SGCZ: variants seen among roughly 807,000 people sequenced by gnomAD.
SGCZ encodes the protein sarcoglycan zeta.
Under a neutral mutation model 41.3 loss-of-function variants are expected in SGCZ, and 40 were observed. The ratio of observed to expected loss-of-function variants is 0.97; its 90% CI spans 0.75 to 1.26. The LOEUF (loss-of-function observed/expected upper bound fraction) is 1.26, where lower values mean the gene tolerates loss of function less well. Among genes scored for constraint, SGCZ ranks in the 50% most tolerant of loss-of-function variants. The pLI is 0.00. For missense variants in SGCZ, 552 were observed against 369.8 expected, an observed-to-expected ratio of 1.49 and a Z score of -4.04; for synonymous variants, 206 against 137.5, an observed-to-expected ratio of 1.50 and a Z score of -3.49.
intron 2 of SGCZ, among the ~76,000 whole-genome samples, chr8:14,327,283 G>A (rs537408025): frequency 6.6e-6 from 1 of 152,288 alleles, no homozygotes; most frequent in East Asian, 1.9e-4. Flanking sequence ...GATTTAAGAA[G>A]ACAGAGAATT....
chr8:14,971,758 T>C (rs1270166324), intron 1 of SGCZ, among the ~76,000 whole-genome samples: 1 of 150,800 alleles, frequency 6.6e-6, no homozygotes, highest in East Asian at 2.0e-4. Context: ...CAAGTGATTC[T>C]CCTGCCTCAG....
At chr8:14,927,541 G>A (rs1376979266) in intron 1 of SGCZ, among the ~76,000 whole-genome samples, 2 of 131,814 alleles carry the variant, frequency 1.5e-5, no homozygotes, top group Non-Finnish European at 3.5e-5. Context: ...GAAGGAAGAG[G>A]AAGAAAGAAG....
chr8:14,546,526 C>A (rs1011169954), intron 2 of SGCZ, among the ~76,000 whole-genome samples: 6 of 152,118 alleles, frequency 3.9e-5, no homozygotes, highest in Non-Finnish European at 7.4e-5. Flanking sequence ...AGAAATTAAA[C>A]CTATGCCCGC....
chr8:14,166,011 T>G (rs1232776789), intron 4 of SGCZ, among the ~76,000 whole-genome samples: 1 of 152,042 alleles, frequency 6.6e-6, no homozygotes, highest in East Asian at 1.9e-4. Context: ...AAAAAATAAT[T>G]TAAAACCCTA....
At chr8:14,746,101 A>T (rs1799332836) in intron 1 of SGCZ, among the ~76,000 whole-genome samples, 1 of 152,010 alleles carries the variant, frequency 6.6e-6, no homozygotes, top group African/African-American at 2.4e-5. Flanking sequence ...TTTTCCATAA[A>T]TATCGATCTA....
chr8:14,944,391 TG>T (rs528608075), intron 1 of SGCZ, among the ~76,000 whole-genome samples: 144 of 152,316 alleles, frequency 9.5e-4, no homozygotes, highest in African/African-American at 2.7e-3. Flanking sequence ...TAACACAACA[TG>T]ATCTTCCCTG....
At chr8:14,499,806 C>A (rs995697388) in intron 2 of SGCZ, among the ~76,000 whole-genome samples, 5 of 152,016 alleles carry the variant, frequency 3.3e-5, no homozygotes, top group Admixed American at 2.6e-4. Flanking sequence ...CATCCCCTAG[C>A]TTCCAATTAC....
At chr8:15,140,508 T>A (rs1808279769) in intron 1 of SGCZ, among the ~76,000 whole-genome samples, 1 of 152,162 alleles carries the variant, frequency 6.6e-6, no homozygotes. Flanking sequence ...TAATACAGAT[T>A]AAGTACTTGG....
chr8:15,003,105 T>G (rs924422612), intron 1 of SGCZ, among the ~76,000 whole-genome samples: 10 of 152,060 alleles, frequency 6.6e-5, no homozygotes, highest in Admixed American at 4.6e-4. Flanking sequence ...TTAAAAGAGG[T>G]ATATTGTCAT....
chr8:14,777,980 G>A lies in SGCZ; in HGVS notation c.40-223054C>T, dbSNP rs547886923. ...TCTTTGTTACTCAGGCTGGAGTGCA[G>A]AGGCATGATCTCAGCTCACTGTAAC... On this transcript the variant is annotated intron_variant, in intron 1 of 7. Transcript: ENST00000382080. Among the ~76,000 whole-genome samples, 4 of 151,504 alleles carry A rather than the reference G, an allele frequency of 2.6e-5. No homozygotes were observed. In the South Asian group the frequency reaches 8.4e-4, roughly 32 times the overall value.
intron 7 of SGCZ, among the ~76,000 whole-genome samples, chr8:14,091,171 C>T (rs978096188): frequency 6.6e-6 from 1 of 151,196 alleles, no homozygotes; most frequent in Admixed American, 6.6e-5. Flanking sequence ...TGAACTCATC[C>T]TTTTTTATGG....
chr8:15,022,631 C>T (rs28514431), intron 1 of SGCZ, among the ~76,000 whole-genome samples: 8,401 of 152,174 alleles, frequency 0.055, 739 homozygotes, highest in African/African-American at 0.19. Context: ...CGTGAACCAT[C>T]GTGCCTGGCC....
At chr8:14,299,026 A>G (rs182926260) in intron 3 of SGCZ, among the ~76,000 whole-genome samples, 1 of 152,186 alleles carries the variant, frequency 6.6e-6, no homozygotes, top group Admixed American at 6.5e-5. Context: ...CCGAATCCAG[A>G]AAAAGACCCC....
chr8:14,276,098 C>A (rs7833414), intron 3 of SGCZ, among the ~76,000 whole-genome samples: 2 of 152,076 alleles, frequency 1.3e-5, no homozygotes, highest in African/African-American at 4.8e-5. Flanking sequence ...GCAGGGGACA[C>A]ATATGTGAAA....
chr8:14,948,478 G>C (rs913159940), intron 1 of SGCZ, among the ~76,000 whole-genome samples: 3 of 152,062 alleles, frequency 2.0e-5, no homozygotes, highest in South Asian at 2.1e-4. Flanking sequence ...TTATGAGAGA[G>C]AGAGAGAGAG....
At chr8:14,574,240 C>G (rs1187667645) in intron 1 of SGCZ, among the ~76,000 whole-genome samples, 1 of 152,182 alleles carries the variant, frequency 6.6e-6, no homozygotes, top group Non-Finnish European at 1.5e-5. Flanking sequence ...GCCTCTGCAG[C>G]AGCCTCAGAA....
chr8:14,852,524 A>T lies in SGCZ; in HGVS notation c.40-297598T>A, dbSNP rs186772840. Among the ~76,000 whole-genome samples the T allele has an allele frequency of 2.3e-3, 350 of 152,326 alleles. 3 individuals carry two copies. The highest frequency in any genetic ancestry group is 4.0e-3 in the Non-Finnish European group (273 of 68,032). On this transcript the variant is annotated intron_variant, in intron 1 of 7. Coordinates refer to ENST00000382080, the MANE Select transcript of SGCZ (RefSeq NM_139167.4). Reference sequence around the variant, plus strand: ...AATTCAACAAAAGTTGCCATCGAGTACACACCAGCCCAAAGTAACAAACAC... The same window carrying T: ...AATTCAACAAAAGTTGCCATCGAGTTCACACCAGCCCAAAGTAACAAACAC...
chr8:14,464,486 A>ATTTT (rs35544350), intron 2 of SGCZ, among the ~76,000 whole-genome samples: 10 of 135,924 alleles, frequency 7.4e-5, no homozygotes, highest in African/African-American at 2.4e-4. Context: ...TTTGAGTGGT[A>ATTTT]TTTTTTTTTT....
intron 1 of SGCZ, among the ~76,000 whole-genome samples, chr8:15,031,679 G>A (rs1207978336): frequency 1.3e-5 from 2 of 152,128 alleles, no homozygotes; most frequent in Admixed American, 1.3e-4. Context: ...ACAGAGCCTT[G>A]CTGTCAACTA....
Sources: allele counts gnomAD v4.1 joint callset (sites outside exome capture counted in the v4.1 genomes callset), GRCh38; gene constraint gnomAD v4.1.1; transcripts MANE v1.5; gene names NCBI Gene and HGNC (gene_info 2026-07-23, HGNC 2026-07-21).